The following DYNC2H1 variants were observed in gnomAD, a reference collection of about 807,000 sequenced individuals.
DYNC2H1 encodes dynein cytoplasmic 2 heavy chain 1.
A neutral mutation model predicts 570.0 loss-of-function variants in DYNC2H1; 410 were observed. The observed-to-expected ratio is 0.72, with a 90% CI of 0.66 to 0.78. DYNC2H1 has a LOEUF of 0.78. Among genes scored for constraint, DYNC2H1 ranks in the 30% least tolerant of loss-of-function variants. The pLI, the probability that DYNC2H1 is intolerant of heterozygous loss-of-function variation, is 0.00. For synonymous variants in DYNC2H1, 1,688 were observed against 1,677.6 expected (o/e 1.01, Z -0.15); for missense variants, 4,865 against 5,046.4 (o/e 0.96, Z 1.09).
chr11:103,364,611 T>C (rs1940811495), intron 83 of DYNC2H1, among the ~76,000 whole-genome samples: 3 of 151,360 alleles, frequency 2.0e-5, no homozygotes, highest in African/African-American at 7.4e-5. Flanking sequence ...TTTTTTTTTT[T>C]TTTAAGCAGG....
intron 70 of DYNC2H1, among the ~76,000 whole-genome samples, chr11:103,263,352 C>T (rs919835369): frequency 4.6e-5 from 7 of 152,154 alleles, no homozygotes; most frequent in Non-Finnish European, 7.4e-5. Flanking sequence ...CTGGACCAAG[C>T]GGACCTAACT....
At chr11:103,417,834 CCACTGCAGTCCAGCCTG>C (rs1943341919) in intron 84 of DYNC2H1, among the ~76,000 whole-genome samples, 3 of 150,708 alleles carry the variant, frequency 2.0e-5, no homozygotes, top group African/African-American at 7.3e-5. Context: ...CAAGATTGCA[CCACTGCAGTCCAGCCTG>C]GACAACAGAG....
At chr11:103,259,237 A>G (rs920682840) in intron 69 of DYNC2H1, among the ~76,000 whole-genome samples, 3 of 152,336 alleles carry the variant, frequency 2.0e-5, no homozygotes, top group South Asian at 2.1e-4. Flanking sequence ...TAAAACTTAC[A>G]TCACACTAAG....
chr11:103,420,069 G>C (rs1943427723), intron 84 of DYNC2H1, among the ~76,000 whole-genome samples: 3 of 151,896 alleles, frequency 2.0e-5, no homozygotes, highest in Admixed American at 2.0e-4. Flanking sequence ...AAACAAGACA[G>C]GCAGACAAGA....
chr11:103,193,784 G>A (rs2135058726), intron 47 of DYNC2H1, among the ~76,000 whole-genome samples: 1 of 152,140 alleles, frequency 6.6e-6, no homozygotes, highest in African/African-American at 2.4e-5. Context: ...CTGAACTCAG[G>A]TGATCTGCCC....
intron 70 of DYNC2H1, among the ~76,000 whole-genome samples, chr11:103,263,016 G>A (rs1186277480): frequency 1.2e-5 from 1 of 81,222 alleles, no homozygotes; most frequent in Non-Finnish European, 2.4e-5. Flanking sequence ...CCAAGCAAAT[G>A]GAAAGCAAAA....
chr11:103,159,062 G>A (rs748453853), intron 28 of DYNC2H1, 35 bp downstream of exon 28: 23 of 1,530,744 alleles, frequency 1.5e-5, no homozygotes, highest in African/African-American at 2.7e-5. Context: ...GATATTTATT[G>A]AGTTTCAACT....
intron 85 of DYNC2H1, among the ~76,000 whole-genome samples, chr11:103,452,789 T>C (rs1944656578): frequency 7.1e-6 from 1 of 140,532 alleles, no homozygotes; most frequent in South Asian, 2.3e-4. Context: ...GTATGTCTCA[T>C]CTCCTCTAAA....
At position 103,109,590 on chromosome 11, in the gene DYNC2H1, GCGGA is replaced by G; in HGVS notation, c.19_22del (p.Asp7PhefsTer16). 6.2e-7 allele frequency: 1 copy of G among 1,613,760 alleles called. No individual in the cohort carries two copies. Among genetic ancestry groups the G allele is most frequent in the Non-Finnish European group, 8.5e-7 (1 of 1,179,796 alleles). ...CCTTCCAATCATGGCGAACGGGACT[GCGGA>G]CGTTCGGAAGCTCTTCATCTTCACT... On this transcript the variant is annotated frameshift_variant, in exon 1 of 89. Coordinates refer to ENST00000375735, the MANE Select transcript of DYNC2H1 (RefSeq NM_001377.3). LOFTEE classifies it high-confidence loss of function.
chr11:103,370,447 A>C (rs1450397813), intron 83 of DYNC2H1, among the ~76,000 whole-genome samples: 1 of 152,154 alleles, frequency 6.6e-6, no homozygotes, highest in Non-Finnish European at 1.5e-5. Context: ...CCACCTGCTG[A>C]TTGTAAAACC....
chr11:103,381,928 T>G (rs902771704), intron 83 of DYNC2H1, among the ~76,000 whole-genome samples: 1 of 152,198 alleles, frequency 6.6e-6, no homozygotes, highest in Non-Finnish European at 1.5e-5. Flanking sequence ...AACATCTTAT[T>G]TTTGTGTAAT....
intron 8 of DYNC2H1, 38 bp from the exon 9 acceptor site, chr11:103,120,887 C>T (rs549096788): frequency 6.4e-6 from 8 of 1,244,362 alleles, no homozygotes; most frequent in African/African-American, 3.1e-5. Context: ...TGAGTTGATC[C>T]GTTGGGATGA....
intron 58 of DYNC2H1, 94 bp from the exon 59 acceptor site, chr11:103,222,871 G>C: frequency 6.6e-7 from 1 of 1,515,672 alleles, no homozygotes; most frequent in Non-Finnish European, 9.0e-7. Flanking sequence ...TTTGGGTCAA[G>C]TTAATAAGTG....
chr11:103,202,294 A>AT (rs10635156), intron 50 of DYNC2H1, among the ~76,000 whole-genome samples: 1,728 of 132,688 alleles, frequency 0.013, 54 homozygotes, highest in African/African-American at 0.04. Context: ...AGAAACACAG[A>AT]TTTTTTTTTT....
At chr11:103,114,588 G>A (rs1224805230) in intron 3 of DYNC2H1, among the ~76,000 whole-genome samples, 3 of 152,144 alleles carry the variant, frequency 2.0e-5, no homozygotes, top group African/African-American at 4.8e-5. Flanking sequence ...CCAAAGTGCC[G>A]AGGCAGTAGT....
rs563473839 is a variant in DYNC2H1, at chr11:103,166,045, A to G, written c.4759A>G (p.Thr1587Ala). ...TACAAGTTCTGAGGATCCAGGGAAT[A>G]CTGGTATGGAAAAGACATTCCCTTT... is the stretch of plus-strand genomic sequence containing the variant. ...IDTSSEDPGN[T>A]ESGILELKLK... The change falls in exon 31 of 89, where the codon ACT (threonine) becomes GCT (alanine). Residue 1587 changes from threonine to alanine, a missense_variant. By Grantham distance (58) the Thr-to-Ala change is moderately conservative. Around this residue, in one of 5 missense-constraint regions of DYNC2H1, gnomAD observed 1,936 missense variants for 1,962.1 expected, o/e 0.99. Coordinates refer to ENST00000375735, the MANE Select transcript of DYNC2H1 (RefSeq NM_001377.3). The G allele has an allele frequency of 1.1e-5, 17 of 1,517,850 alleles. No homozygotes were observed. The highest frequency in any genetic ancestry group is 1.9e-4 in the Middle Eastern group (1 of 5,312). The allele number at this position is 1,517,850 out of a possible 1,614,324, so 94.0% of individuals were successfully genotyped here.
intron 45 of DYNC2H1, 54 bp from the exon 46 acceptor site, chr11:103,191,463 C>A: frequency 7.3e-7 from 1 of 1,375,104 alleles, no homozygotes; most frequent in Non-Finnish European, 1.0e-6. Flanking sequence ...AAATTTATAA[C>A]ATGATTATTA....
intron 84 of DYNC2H1, among the ~76,000 whole-genome samples, chr11:103,417,269 G>A (rs1037120004): frequency 6.6e-5 from 10 of 150,740 alleles, no homozygotes; most frequent in Middle Eastern, 3.4e-3. Context: ...TAGTTGAGAC[G>A]GGGTTTCACC....
intron 85 of DYNC2H1, among the ~76,000 whole-genome samples, chr11:103,438,391 A>G (rs546442): frequency 0.57 from 86,862 of 151,770 alleles, 25,322 homozygotes; most frequent in East Asian, 0.72. Context: ...GTAACTACCT[A>G]TTTGGAAAAC....
Sources: allele counts gnomAD v4.1 joint callset (sites outside exome capture counted in the v4.1 genomes callset), GRCh38; gene constraint gnomAD v4.1.1; regional missense constraint gnomAD v4.1.1; transcripts MANE v1.5; gene names NCBI Gene and HGNC (gene_info 2026-07-23, HGNC 2026-07-21).